Variants in LHPP observed in about 807,000 individuals in gnomAD.
The protein encoded by LHPP is hLHPP.
Under a neutral mutation model 30.3 loss-of-function variants are expected in LHPP, and 24 were observed. The observed-to-expected ratio is 0.79, with a 90% confidence interval of 0.57 to 1.11. The LOEUF is 1.11. Among genes scored for constraint, LHPP ranks in the 50% most tolerant of loss-of-function variants. LHPP has a pLI of 0.00. For synonymous variants in LHPP, 150 were observed against 157.1 expected, an observed-to-expected ratio of 0.95 and a Z score of 0.34; for missense variants, 356 against 367.2, an observed-to-expected ratio of 0.97 and a Z score of 0.25.
At chr10:124,503,318 G>A (rs1034614426) in intron 5 of LHPP, among the ~76,000 whole-genome samples, 10 of 151,752 alleles carry the variant, frequency 6.6e-5, no homozygotes, top group African/African-American at 1.5e-4. Flanking sequence ...CGCCCGCCTC[G>A]GCCTCCCAAA....
intron 1 of LHPP, among the ~76,000 whole-genome samples, 193 bp from the exon 2 acceptor site, chr10:124,483,946 G>A (rs1953229904): frequency 6.6e-6 from 1 of 152,060 alleles, no homozygotes; most frequent in South Asian, 2.1e-4. Context: ...GGTCCTCTGA[G>A]AAGGGATCTG....
intron 6 of LHPP, among the ~76,000 whole-genome samples, chr10:124,544,858 G>A (rs1303416023): frequency 4.0e-5 from 6 of 151,620 alleles, no homozygotes; most frequent in African/African-American, 1.5e-4. Flanking sequence ...ACACCATCAC[G>A]TGGAAGGCGA....
At chr10:124,612,734 G>C (rs1949218146) in intron 6 of LHPP, 1 of 153,980 alleles carries the variant, frequency 6.5e-6, no homozygotes, top group Non-Finnish European at 1.4e-5. Flanking sequence ...TGTTGGGTGG[G>C]CGTGGCCTCA....
At chr10:124,519,046 C>G (rs914149911) in intron 6 of LHPP, among the ~76,000 whole-genome samples, 2 of 152,178 alleles carry the variant, frequency 1.3e-5, no homozygotes, top group African/African-American at 4.8e-5. Flanking sequence ...CTCCCAGGCT[C>G]AAGTGATTCT....
chr10:124,544,594 G>A lies in LHPP; in HGVS notation c.716+27323G>A, dbSNP rs767834131. On this transcript the variant is annotated intron_variant, in intron 6 of 6. Transcript: ENST00000368842. ...ACCTCTGGGCCAACAGTCTCACCCT[G>A]CAGGAGGCCTGGCACCTGTGTTTGT... Among the ~76,000 whole-genome samples the A allele has an allele frequency of 6.8e-4, 104 of 152,348 alleles. 1 individual carries two copies. The highest frequency in any genetic ancestry group is 1.4e-3 in the Non-Finnish European group (92 of 68,036).
At chr10:124,489,265 GTA>G (rs1381176034) in intron 3 of LHPP, among the ~76,000 whole-genome samples, 1 of 152,220 alleles carries the variant, frequency 6.6e-6, no homozygotes. Context: ...CTATTTTGGT[GTA>G]TGTCCTTGCA....
chr10:124,517,699 A>C lies in LHPP; in HGVS notation c.716+428A>C, dbSNP rs907037878. Among the ~76,000 whole-genome samples the C allele has an allele frequency of 1.3e-5, 2 of 152,194 alleles. No individual in the cohort carries two copies. The highest frequency in any genetic ancestry group is 2.9e-5 in the Non-Finnish European group (2 of 68,038). ...TCACTTTCTCCACTCTGTAAGACAC[A>C]GAGAGCCTGGAGACGACAGAGGGTT... On this transcript the variant is annotated intron_variant, in intron 6 of 6. Coordinates refer to ENST00000368842, the MANE Select transcript of LHPP (RefSeq NM_022126.4). The surrounding 1 kb of genome is among the most constrained non-coding windows in gnomAD (Gnocchi z 4.1).
intron 3 of LHPP, among the ~76,000 whole-genome samples, chr10:124,495,038 T>C (rs1040034989): frequency 2.6e-5 from 4 of 152,212 alleles, no homozygotes; most frequent in African/African-American, 9.6e-5. Flanking sequence ...CAGACCAAAG[T>C]AGCTGATTGT....
chr10:124,474,365 C>T (rs1437403910), intron 1 of LHPP, among the ~76,000 whole-genome samples: 1 of 151,904 alleles, frequency 6.6e-6, no homozygotes, highest in Admixed American at 6.6e-5. Context: ...GTCTTGAACT[C>T]CAGAGCTCAA....
intron 6 of LHPP, among the ~76,000 whole-genome samples, chr10:124,589,638 A>G (rs1032629264): frequency 1.3e-5 from 2 of 152,224 alleles, no homozygotes; most frequent in Non-Finnish European, 2.9e-5. Flanking sequence ...CCCAGCTTTC[A>G]TCACCCATCT....
chr10:124,552,451 TC>T (rs1948186279), intron 6 of LHPP, among the ~76,000 whole-genome samples: 1 of 151,928 alleles, frequency 6.6e-6, no homozygotes, highest in African/African-American at 2.4e-5. Context: ...CATGGAGCTG[TC>T]TAAAGAAGCA....
At chr10:124,503,996 A>G (rs556912827) in intron 5 of LHPP, among the ~76,000 whole-genome samples, 42 of 152,280 alleles carry the variant, frequency 2.8e-4, no homozygotes, top group African/African-American at 9.6e-4. Context: ...GTTCCAGACC[A>G]GCCTGGCCAA....
chr10:124,465,735 G>C lies in LHPP; in HGVS notation c.125+3748G>C, dbSNP rs548993449. On this transcript the variant is annotated intron_variant, in intron 1 of 6. Transcript: ENST00000368842. ...TGCCACCGTGCCCAGCTAATTTTTG[G>C]TATTTTTAGTAGAGGCAGGATTTTA... Among the ~76,000 whole-genome samples, 7 of 152,246 alleles carry C rather than the reference G, an allele frequency of 4.6e-5. No homozygotes were observed. The South Asian group carries it at 1.0e-3, about 23-fold the overall frequency.
At position 124,517,796 on chromosome 10, in the gene LHPP, G is replaced by C. The variant is rs536134291; in HGVS notation, c.716+525G>C. 1.3e-5 allele frequency among the ~76,000 whole-genome samples: 2 copies of C among 152,342 alleles called. No individual in the cohort carries two copies. Among genetic ancestry groups the C allele is most frequent in the African/African-American group, 2.4e-5 (1 of 41,570 alleles). ...GTGTTTTATTTGCTGGCAAAAGTCT[G>C]CCTGGTCTGGAGCAGCTGTCAGGGG... On this transcript the variant is annotated intron_variant, in intron 6 of 6. Coordinates refer to ENST00000368842, the MANE Select transcript of LHPP (RefSeq NM_022126.4). This position sits in a 1 kb window ranked among gnomAD's most constrained non-coding sequence, Gnocchi z 4.1.
chr10:124,574,607 G>A (rs930516473), intron 6 of LHPP, among the ~76,000 whole-genome samples: 66 of 152,328 alleles, frequency 4.3e-4, no homozygotes, highest in African/African-American at 3.8e-4. Flanking sequence ...GTTTGGTGGC[G>A]CCGAGGGAGG....
At chr10:124,569,929 C>G (rs1948557253) in intron 6 of LHPP, among the ~76,000 whole-genome samples, 1 of 152,176 alleles carries the variant, frequency 6.6e-6, no homozygotes, top group South Asian at 2.1e-4. Flanking sequence ...ATTCCAGCAC[C>G]CAGAAGTTTC....
intron 3 of LHPP, among the ~76,000 whole-genome samples, chr10:124,488,821 G>T (rs538047511): frequency 6.6e-6 from 1 of 152,284 alleles, no homozygotes; most frequent in South Asian, 2.1e-4. Context: ...GTGGAGTCTA[G>T]ACTAGAAGAG....
At chr10:124,527,151 T>G (rs969917708) in intron 6 of LHPP, among the ~76,000 whole-genome samples, 2 of 152,168 alleles carry the variant, frequency 1.3e-5, no homozygotes, top group African/African-American at 2.4e-5. Flanking sequence ...GCTCTGCGGC[T>G]CGGGGACACG....
At chr10:124,535,571 AC>A in intron 6 of LHPP, among the ~76,000 whole-genome samples, 1 of 125,384 alleles carries the variant, frequency 8.0e-6, no homozygotes, top group South Asian at 2.7e-4. Context: ...AATTAAAAAA[AC>A]ATTTTTTTTT....
Sources: allele counts gnomAD v4.1 joint callset (sites outside exome capture counted in the v4.1 genomes callset), GRCh38; gene constraint gnomAD v4.1.1; non-coding constraint Gnocchi (gnomAD v3.1); transcripts MANE v1.5; gene names NCBI Gene and HGNC (gene_info 2026-07-23, HGNC 2026-07-21).